CDH18: variants seen among roughly 807,000 people sequenced by gnomAD.
CDH18 encodes the protein cadherin-18.
CDH18 carries 31 observed loss-of-function variants against 67.9 expected under a neutral mutation model. That is an observed-to-expected ratio of 0.46 (90% confidence interval 0.34 to 0.62). The LOEUF (loss-of-function observed/expected upper bound fraction) is 0.62, where lower values mean the gene tolerates loss of function less well. Ranked by LOEUF, CDH18 falls within the 20% of genes least tolerant of loss-of-function variation. The probability of loss-of-function intolerance (pLI) is 0.01; values close to 1 mark genes in which losing one functional copy is unlikely to be tolerated. For missense variants in CDH18, 890 were observed against 975.5 expected (o/e 0.91, Z 1.17); for synonymous variants, 362 against 347.2 (o/e 1.04, Z -0.48).
intron 2 of CDH18, among the ~76,000 whole-genome samples, chr5:20,078,462 C>CAAAACAA (rs1009477875): frequency 6.7e-6 from 1 of 149,820 alleles, no homozygotes; most frequent in Non-Finnish European, 1.5e-5. Flanking sequence ...GACTCTGTCT[C>CAAAACAA]AAAACAAAAA....
intron 1 of CDH18, among the ~76,000 whole-genome samples, chr5:20,369,142 T>G (rs1463262696): frequency 2.6e-5 from 4 of 152,072 alleles, no homozygotes; most frequent in Non-Finnish European, 4.4e-5. Context: ...TTTTTTTCCC[T>G]TGGATAGAGG....
At chr5:19,534,660 C>T (rs1749146985) in intron 9 of CDH18, among the ~76,000 whole-genome samples, 1 of 152,028 alleles carries the variant, frequency 6.6e-6, no homozygotes, top group Non-Finnish European at 1.5e-5. Context: ...TAAGTAAAAA[C>T]ATTCGAACAA....
At chr5:20,541,602 C>T (rs1651444) in intron 1 of CDH18, among the ~76,000 whole-genome samples, 1 of 151,584 alleles carries the variant, frequency 6.6e-6, no homozygotes, top group Non-Finnish European at 1.5e-5. Context: ...TATGGTTCTA[C>T]TTGGAAGGGA....
intron 7 of CDH18, among the ~76,000 whole-genome samples, chr5:19,586,396 T>A (rs1347576907): frequency 6.6e-6 from 1 of 152,030 alleles, no homozygotes. Flanking sequence ...TGTGTGTTGT[T>A]AACCCTATGT....
At chr5:20,324,624 T>C (rs1488718663) in intron 1 of CDH18, among the ~76,000 whole-genome samples, 3 of 152,166 alleles carry the variant, frequency 2.0e-5, no homozygotes, top group African/African-American at 7.2e-5. Context: ...TGGGAGTCTT[T>C]ACTGAAAAAA....
chr5:20,496,369 G>A (rs569299701), intron 1 of CDH18, among the ~76,000 whole-genome samples: 52 of 152,176 alleles, frequency 3.4e-4, no homozygotes, highest in African/African-American at 1.2e-3. Flanking sequence ...ACACAAAAGT[G>A]AAAGGATAAA....
chr5:20,116,761 G>A (rs1192967223), intron 2 of CDH18, among the ~76,000 whole-genome samples: 1 of 152,146 alleles, frequency 6.6e-6, no homozygotes, highest in East Asian at 1.9e-4. Flanking sequence ...AATGTCTGCA[G>A]TTCAATGAAG....
chr5:19,874,647 T>A (rs996291255), intron 2 of CDH18, among the ~76,000 whole-genome samples: 1 of 152,144 alleles, frequency 6.6e-6, no homozygotes, highest in Admixed American at 6.6e-5. Flanking sequence ...TTTAGAAAAA[T>A]AAAGAATGGA....
At chr5:20,406,165 A>T (rs1026779554) in intron 1 of CDH18, among the ~76,000 whole-genome samples, 3 of 152,188 alleles carry the variant, frequency 2.0e-5, no homozygotes, top group East Asian at 3.8e-4. Flanking sequence ...TGACAATAGC[A>T]AAGACTTGGA....
chr5:20,179,673 T>A (rs1425042770), intron 2 of CDH18, among the ~76,000 whole-genome samples: 1 of 151,362 alleles, frequency 6.6e-6, no homozygotes, highest in Non-Finnish European at 1.5e-5. Context: ...ACCAAGGGAG[T>A]CAAGCAAAGC....
intron 3 of CDH18, among the ~76,000 whole-genome samples, chr5:19,805,742 G>A (rs532991757): frequency 3.6e-4 from 54 of 151,796 alleles, no homozygotes; most frequent in African/African-American, 1.2e-3. Context: ...ACACAAAGTC[G>A]TGTCAATTCT....
chr5:19,478,906 T>C (rs1461345649), intron 12 of CDH18, among the ~76,000 whole-genome samples: 3 of 152,196 alleles, frequency 2.0e-5, no homozygotes, highest in East Asian at 1.9e-4. Context: ...ATCCATCATA[T>C]GCAATAGACC....
At chr5:19,964,275 C>T (rs1445435641) in intron 2 of CDH18, among the ~76,000 whole-genome samples, 2 of 151,842 alleles carry the variant, frequency 1.3e-5, no homozygotes, top group Non-Finnish European at 2.9e-5. Flanking sequence ...GTTTGTCATG[C>T]AGACAAGTTG....
intron 8 of CDH18, among the ~76,000 whole-genome samples, chr5:19,563,176 T>C (rs757265571): frequency 2.0e-5 from 3 of 152,164 alleles, no homozygotes; most frequent in Non-Finnish European, 2.9e-5. Flanking sequence ...TGTTTGTTTG[T>C]TTTTATTTTT....
rs779223936 is a variant in CDH18, at chr5:20,016,461, TAAAAG to T, written c.-517-24452_-517-24448del. On this transcript the variant is annotated intron_variant, in intron 2 of 14. Coordinates refer to the CDH18 transcript ENST00000507958. ...TGCACATGTACCCCTGAACCAAAAA[TAAAAG>T]TTTTTCAGAAAAAGAAAATAAAATG... Among the ~76,000 whole-genome samples, 394 of 152,062 alleles carry T rather than the reference TAAAAG, an allele frequency of 2.6e-3. 5 individuals carry two copies. The highest frequency in any genetic ancestry group is 2.4e-3 in the Non-Finnish European group (161 of 67,928).
At chr5:19,668,895 T>C (rs1223371834) in intron 5 of CDH18, among the ~76,000 whole-genome samples, 1 of 151,796 alleles carries the variant, frequency 6.6e-6, no homozygotes, top group Non-Finnish European at 1.5e-5. Context: ...TGTTCTGTAC[T>C]ATATTATAAT....
intron 4 of CDH18, among the ~76,000 whole-genome samples, chr5:19,730,960 G>A (rs1047320630): frequency 6.6e-6 from 1 of 152,198 alleles, no homozygotes; most frequent in Non-Finnish European, 1.5e-5. Flanking sequence ...GGTTCCTGTG[G>A]AGATGAGGAG....
At chr5:20,476,949 T>C (rs1262751543) in intron 1 of CDH18, among the ~76,000 whole-genome samples, 1 of 152,180 alleles carries the variant, frequency 6.6e-6, no homozygotes, top group East Asian at 1.9e-4. Context: ...TTAAAATAAA[T>C]TAGGTTACCA....
intron 3 of CDH18, among the ~76,000 whole-genome samples, chr5:19,760,451 C>T (rs1410783035): frequency 2.0e-5 from 3 of 152,150 alleles, no homozygotes; most frequent in East Asian, 1.9e-4. Context: ...AGCTTGCTCA[C>T]GGTGGCCCAT....
Sources: gnomAD v4.1 joint callset for allele counts (sites outside exome capture counted in the v4.1 genomes callset) on GRCh38, gnomAD v4.1.1 for gene constraint, MANE v1.5 for transcripts, NCBI Gene and HGNC (gene_info 2026-07-23, HGNC 2026-07-21) for gene names.